Variants in HHIPL1 observed in about 807,000 individuals in gnomAD.
HHIPL1 encodes the protein HHIP-like protein 1.
A neutral mutation model predicts 61.8 loss-of-function variants in HHIPL1; 43 were observed. That is an observed-to-expected ratio of 0.70 (90% CI 0.55 to 0.90). HHIPL1 has a LOEUF of 0.90. Ranked by LOEUF, HHIPL1 falls within the 40% of genes least tolerant of loss-of-function variation. The pLI, the probability that HHIPL1 is intolerant of heterozygous loss-of-function variation, is 0.00. For missense variants in HHIPL1, 1,056 were observed against 1,157.7 expected (o/e 0.91, Z 1.28); for synonymous variants, 482 against 515.8 (o/e 0.93, Z 0.89).
At chr14:99,649,998 A>G (rs1438976913) in intron 1 of HHIPL1, among the ~76,000 whole-genome samples, 1 of 152,200 alleles carries the variant, frequency 6.6e-6, no homozygotes, top group African/African-American at 2.4e-5. Context: ...AGAGGGGAGC[A>G]TGTAAGACAT....
chr14:99,639,000 C>T, the HHIPL1 span, among the ~76,000 whole-genome samples: 1 of 152,244 alleles, frequency 6.6e-6, no homozygotes, highest in African/African-American at 2.4e-5. Flanking sequence ...TTCCCTCATC[C>T]TTTCACTCAT....
Position 99,678,847 on chromosome 14 carries a change from G to C in HHIPL1, c.*3221G>C, listed in dbSNP as rs2056414813. 1 of 152,206 alleles carries C rather than the reference G, an allele frequency of 6.6e-6. No individual in the cohort carries two copies. The highest frequency in any genetic ancestry group is 1.5e-5 in the Non-Finnish European group (1 of 68,030). The allele number at this position is 152,206 out of a possible 1,614,324, so 9.4% of individuals were successfully genotyped here. Reference sequence around the variant, plus strand: ...TAGCATAAAGCAAGGAGGTTTGAAGGAAGTTCGTCTTTAAAAGAAACCATT... The same window carrying C: ...TAGCATAAAGCAAGGAGGTTTGAAGCAAGTTCGTCTTTAAAAGAAACCATT... On this transcript the variant is annotated 3_prime_UTR_variant, in exon 9 of 9. Coordinates refer to ENST00000330710, the MANE Select transcript of HHIPL1 (RefSeq NM_001127258.3).
In HHIPL1 at chr14:99,668,534, G is replaced by T. The variant is rs2056283768; in HGVS notation, c.1730+231G>T. Reference sequence around the variant, plus strand: ...TCAAAGCACAGGTCTATTAGGATAGGAGGGAGCTGGAGAGGTGACTGGGGC... The same window carrying T: ...TCAAAGCACAGGTCTATTAGGATAGTAGGGAGCTGGAGAGGTGACTGGGGC... On this transcript the variant is annotated intron_variant, in intron 7 of 8. Coordinates refer to ENST00000330710, the MANE Select transcript of HHIPL1 (RefSeq NM_001127258.3). The surrounding 1 kb of genome is among the most constrained non-coding windows in gnomAD (Gnocchi z 4.7). 6.6e-6 allele frequency among the ~76,000 whole-genome samples: 1 copy of T among 152,150 alleles called. No homozygotes were observed. The highest frequency in any genetic ancestry group is 1.5e-5 in the Non-Finnish European group (1 of 68,014).
the HHIPL1 span, among the ~76,000 whole-genome samples, chr14:99,609,711 A>C: frequency 1.3e-5 from 2 of 152,210 alleles, no homozygotes; most frequent in Non-Finnish European, 1.5e-5. Context: ...CTTCATCCCC[A>C]CTGTTAACCA....
Position 99,668,989 on chromosome 14 carries a change from G to T in HHIPL1, c.1730+686G>T. The T allele has an allele frequency of 6.4e-7, 1 of 1,563,938 alleles. No homozygotes were observed. Among genetic ancestry groups the T allele is most frequent in the Non-Finnish European group, 8.7e-7 (1 of 1,154,954 alleles). On this transcript the variant is annotated intron_variant, in intron 7 of 8. Transcript: ENST00000330710. The surrounding 1 kb of genome is among the most constrained non-coding windows in gnomAD (Gnocchi z 4.7). ...GGCCAGGGTGGGGCCCAGGCCACTG[G>T]CTCCAGAGCCCTGCCCTAACCCCTT...
chr14:99,622,225 C>A, the HHIPL1 span, among the ~76,000 whole-genome samples: 1 of 152,226 alleles, frequency 6.6e-6, no homozygotes, highest in East Asian at 1.9e-4. Context: ...TTTGGCACAT[C>A]TGATAAGCTC....
At chr14:99,636,178 G>T in the HHIPL1 span, among the ~76,000 whole-genome samples, 2 of 152,162 alleles carry the variant, frequency 1.3e-5, no homozygotes. Context: ...CAGGTGGTGG[G>T]TGTGAGTGGG....
the HHIPL1 span, among the ~76,000 whole-genome samples, chr14:99,613,815 G>T: frequency 2.0e-5 from 3 of 152,048 alleles, no homozygotes; most frequent in Non-Finnish European, 4.4e-5. Flanking sequence ...GGATGCTGAG[G>T]CAGGAGAATC....
the HHIPL1 span, among the ~76,000 whole-genome samples, chr14:99,616,857 T>C: frequency 1.3e-5 from 2 of 152,122 alleles, no homozygotes; most frequent in African/African-American, 4.8e-5. Context: ...ACAGGAAGGA[T>C]CAGCCTTGTA....
chr14:99,641,243 A>T (rs2055748031), upstream of HHIPL1, among the ~76,000 whole-genome samples: 1 of 151,376 alleles, frequency 6.6e-6, no homozygotes, highest in Admixed American at 6.6e-5. Context: ...CTGGTGATGA[A>T]TTTCTCCCAT....
In HHIPL1 at chr14:99,660,281, T is replaced by A. The variant is rs1167234678; in HGVS notation, c.1377T>A (p.Asn459Lys). 1 of 1,613,950 alleles carries A rather than the reference T, an allele frequency of 6.2e-7. No homozygotes were observed. Residue 459 changes from asparagine to lysine, a missense_variant and splice_region_variant, in exon 5 of 9, where the codon AAT becomes AAA. Physicochemically the swap from Asn to Lys is moderately conservative, Grantham distance 94 (BLOSUM62 0). Transcript: ENST00000330710. This position sits in a 1 kb window ranked among gnomAD's most constrained non-coding sequence, Gnocchi z 4.9. ...GCTTCTCTCCCTCCCACCCCGCAGA[T>A]GACTTGCTGCCGATTTTCGCCTACC... ...DRSLCANTSL[N>K]DLLPIFAYPH...
At chr14:99,655,646 G>A (rs1489586892) in intron 2 of HHIPL1, among the ~76,000 whole-genome samples, 2 of 152,076 alleles carry the variant, frequency 1.3e-5, no homozygotes, top group African/African-American at 4.8e-5. Context: ...AGAAAAAGAA[G>A]GGATTGAGAA....
chr14:99,659,856 CCCCGGAGATCCCTG>C, intron 4 of HHIPL1, 100 bp downstream of exon 4: 2 of 520,860 alleles, frequency 3.8e-6, no homozygotes, highest in Non-Finnish European at 5.6e-6. Flanking sequence ...ACCCCCCCCC[CCCCGGAGATCCCTG>C]ACCCTGAGTC....
intron 7 of HHIPL1, 87 bp from the exon 8 acceptor site, chr14:99,672,230 G>A (rs2056333035): frequency 6.8e-6 from 7 of 1,023,492 alleles, no homozygotes; most frequent in Non-Finnish European, 1.0e-5. Context: ...TATCGTTGCT[G>A]TTCATACCTG....
chr14:99,660,196 C>A lies in HHIPL1; in HGVS notation c.1376-84C>A. On this transcript the variant is annotated intron_variant, in intron 4 of 8. Transcript: ENST00000330710. The surrounding 1 kb of genome is among the most constrained non-coding windows in gnomAD (Gnocchi z 4.9). ...CCCTCCCTCCGTGGCCGCCCCACCC[C>A]CGCGGAATCCCTCCGGAATTCTCCT... The A allele has an allele frequency of 1.9e-6, 3 of 1,556,994 alleles. No homozygotes were observed. Among genetic ancestry groups the A allele is most frequent in the Admixed American group, 3.6e-5 (2 of 55,070 alleles).
At chr14:99,640,179 C>T (rs908748319), upstream of HHIPL1, among the ~76,000 whole-genome samples, 2 of 152,100 alleles carry the variant, frequency 1.3e-5, no homozygotes, top group African/African-American at 2.4e-5. Flanking sequence ...TTTCATTTTA[C>T]CTTCTTTTAA....
At position 99,675,501 on chromosome 14, in the gene HHIPL1, G is replaced by A; in HGVS notation, c.2224G>A (p.Asp742Asn). 4 of 1,543,016 alleles carry A rather than the reference G, an allele frequency of 2.6e-6. No homozygotes were observed. The highest frequency in any genetic ancestry group is 3.5e-6 in the Non-Finnish European group (4 of 1,146,548). Residue 742 changes from aspartate to asparagine, a missense_variant, in exon 9 of 9, where the codon GAT becomes AAT. Transcript: ENST00000330710. This position sits in a 1 kb window ranked among gnomAD's most constrained non-coding sequence, Gnocchi z 5.4. Reference sequence around the variant, plus strand: ...CGGCTCGCTGCCCATTCTGCTGGACGATGTGCGCTGCGCGGGCTGGGAGCG... The same window carrying A: ...CGGCTCGCTGCCCATTCTGCTGGACAATGTGCGCTGCGCGGGCTGGGAGCG... ...QGGSLPILLD[D>N]VRCAGWERNL...
chr14:99,622,678 AG>A, the HHIPL1 span, among the ~76,000 whole-genome samples: 3 of 152,100 alleles, frequency 2.0e-5, no homozygotes, highest in South Asian at 6.2e-4. Flanking sequence ...CCTTTCCACC[AG>A]GGGGGTCCTG....
the HHIPL1 span, among the ~76,000 whole-genome samples, chr14:99,637,064 AAG>A: frequency 5.0e-5 from 6 of 119,076 alleles, no homozygotes; most frequent in Admixed American, 1.9e-4. Flanking sequence ...GGAAGGAAAA[AAG>A]AAAGAAAGAG....
Sources: allele counts gnomAD v4.1 joint callset (sites outside exome capture counted in the v4.1 genomes callset), GRCh38; gene constraint gnomAD v4.1.1; non-coding constraint Gnocchi (gnomAD v3.1); transcripts MANE v1.5; gene names NCBI Gene and HGNC (gene_info 2026-07-23, HGNC 2026-07-21).